The following TENM2 variants were observed in gnomAD, a reference collection of about 807,000 sequenced individuals.
The protein encoded by TENM2 is teneurin transmembrane protein 2.
In TENM2, 52 loss-of-function variants were observed where a neutral mutation model predicts 245.2. The observed-to-expected ratio is 0.21, with a 90% confidence interval of 0.17 to 0.27. The LOEUF (loss-of-function observed/expected upper bound fraction) is 0.27, where lower values mean the gene tolerates loss of function less well. Among genes scored for constraint, TENM2 ranks in the 10% least tolerant of loss-of-function variants. TENM2 has a pLI of 1.00. For synonymous variants in TENM2, 1,363 were observed against 1,438.9 expected (o/e 0.95, Z 1.19); for missense variants, 3,046 against 3,666.8 (o/e 0.83, Z 4.37).
At chr5:167,008,199 A>G in the TENM2 span, among the ~76,000 whole-genome samples, 2 of 152,152 alleles carry the variant, frequency 1.3e-5, no homozygotes, top group East Asian at 3.9e-4. Flanking sequence ...TGTAGTTTAT[A>G]TTTTTTTGGC....
At chr5:167,659,040 G>A (rs1755035305) in intron 2 of TENM2, among the ~76,000 whole-genome samples, 1 of 152,160 alleles carries the variant, frequency 6.6e-6, no homozygotes, top group Non-Finnish European at 1.5e-5. Context: ...TGATTCCTCG[G>A]AGTGTTCCTA....
At chr5:167,999,927 G>T (rs531071451) in intron 5 of TENM2, among the ~76,000 whole-genome samples, 1 of 152,188 alleles carries the variant, frequency 6.6e-6, no homozygotes, top group South Asian at 2.1e-4. Context: ...CAATGGTATC[G>T]TCTGCCAGCC....
the TENM2 span, among the ~76,000 whole-genome samples, chr5:167,242,964 A>G: frequency 1.3e-5 from 2 of 152,142 alleles, no homozygotes; most frequent in South Asian, 2.1e-4. Context: ...CAGAAGGAGT[A>G]GGGCTCAGAT....
At chr5:168,153,673 C>T (rs138271392) in intron 12 of TENM2, among the ~76,000 whole-genome samples, 1,637 of 152,290 alleles carry the variant, frequency 0.011, 44 homozygotes, top group African/African-American at 0.038. Context: ...GGACTTAATC[C>T]GAAAGCAGAG....
chr5:167,059,604 G>GGGA, the TENM2 span, among the ~76,000 whole-genome samples: 1 of 151,026 alleles, frequency 6.6e-6, no homozygotes, highest in African/African-American at 2.5e-5. Context: ...AGCAACATCT[G>GGGA]GGAGTTGATA....
At chr5:167,496,415 A>C (rs1460519210) in intron 2 of TENM2, among the ~76,000 whole-genome samples, 2 of 152,076 alleles carry the variant, frequency 1.3e-5, no homozygotes, top group African/African-American at 2.4e-5. Context: ...ACAGAGACTA[A>C]AACTCCTCCT....
intron 2 of TENM2, among the ~76,000 whole-genome samples, chr5:167,587,742 C>T (rs1775601517): frequency 6.6e-6 from 1 of 152,090 alleles, no homozygotes; most frequent in Non-Finnish European, 1.5e-5. Flanking sequence ...GCTAATACAG[C>T]TTTTTTCGGA....
At chr5:168,204,644 T>C in intron 19 of TENM2, 23 bp downstream of exon 21, 1 of 1,610,598 alleles carries the variant, frequency 6.2e-7, no homozygotes, top group Non-Finnish European at 8.5e-7. Flanking sequence ...ACAGGCAACC[T>C]TCTTTTGCTC....
intron 2 of TENM2, among the ~76,000 whole-genome samples, chr5:167,828,716 G>A (rs575642939): frequency 6.6e-6 from 1 of 151,948 alleles, no homozygotes; most frequent in Non-Finnish European, 1.5e-5. Flanking sequence ...TATTAGGAAG[G>A]GTAATCCTCT....
intron 13 of TENM2, among the ~76,000 whole-genome samples, chr5:168,181,765 C>A (rs1454642905): frequency 6.7e-6 from 1 of 150,310 alleles, no homozygotes; most frequent in African/African-American, 2.5e-5. Context: ...CAACCTCCAC[C>A]TCCCGAGTTC....
intron 12 of TENM2, among the ~76,000 whole-genome samples, chr5:168,161,201 C>A (rs919033778): frequency 2.0e-5 from 3 of 152,148 alleles, no homozygotes; most frequent in African/African-American, 7.2e-5. Context: ...GGTTTCAAAT[C>A]AATTACCTCC....
intron 2 of TENM2, among the ~76,000 whole-genome samples, chr5:167,390,479 G>C (rs149179995): frequency 2.4e-3 from 359 of 152,250 alleles, no homozygotes; most frequent in African/African-American, 8.5e-3. Context: ...TCCATCTGCG[G>C]TGCCTTTGAT....
chr5:167,135,469 T>C, the TENM2 span, among the ~76,000 whole-genome samples: 1 of 152,116 alleles, frequency 6.6e-6, no homozygotes, highest in Non-Finnish European at 1.5e-5. Flanking sequence ...TTCTTGGCTC[T>C]TAAAAAACAA....
chr5:167,992,029 C>A (rs1259725318), intron 4 of TENM2, among the ~76,000 whole-genome samples: 1 of 152,018 alleles, frequency 6.6e-6, no homozygotes, highest in Non-Finnish European at 1.5e-5. Context: ...AACGGAAAAC[C>A]AAACATCATA....
chr5:167,920,556 C>A (rs60902329), intron 3 of TENM2, among the ~76,000 whole-genome samples: 1 of 148,334 alleles, frequency 6.7e-6, no homozygotes, highest in East Asian at 2.0e-4. Flanking sequence ...CACACACACA[C>A]AAATAGCATG....
chr5:167,884,829 C>T (rs1487795072), intron 3 of TENM2, among the ~76,000 whole-genome samples: 1 of 152,132 alleles, frequency 6.6e-6, no homozygotes, highest in East Asian at 1.9e-4. Context: ...AAAGATTTGA[C>T]ATGCTGTTTT....
At chr5:168,144,290 A>G (rs372528277) in intron 12 of TENM2, among the ~76,000 whole-genome samples, 3 of 151,910 alleles carry the variant, frequency 2.0e-5, no homozygotes, top group South Asian at 4.2e-4. Context: ...CTAACTTGTC[A>G]TCTAGCATTA....
intron 25 of TENM2, among the ~76,000 whole-genome samples, chr5:168,239,169 C>T (rs1304637336): frequency 6.6e-6 from 1 of 152,162 alleles, no homozygotes; most frequent in East Asian, 1.9e-4. Flanking sequence ...TCCAGCATCT[C>T]GCACCCACAG....
intron 2 of TENM2, among the ~76,000 whole-genome samples, chr5:167,689,428 A>T (rs1757280691): frequency 6.6e-6 from 1 of 152,230 alleles, no homozygotes; most frequent in Non-Finnish European, 1.5e-5. Context: ...ACAGTAGTGG[A>T]TCTGAAGGGG....
Sources: gnomAD v4.1 joint callset for allele counts (sites outside exome capture counted in the v4.1 genomes callset) on GRCh38, gnomAD v4.1.1 for gene constraint, MANE v1.5 for transcripts, NCBI Gene and HGNC (gene_info 2026-07-23, HGNC 2026-07-21) for gene names.